RBMS1: variants seen among roughly 807,000 people sequenced by gnomAD.
RBMS1 encodes the protein RNA-binding motif, single-stranded-interacting protein 1.
In RBMS1, 17 loss-of-function variants were observed where a neutral mutation model predicts 62.3. The ratio of observed to expected loss-of-function variants is 0.27; its 90% CI spans 0.19 to 0.41. The LOEUF is 0.41. Among genes scored for constraint, RBMS1 ranks in the 10% least tolerant of loss-of-function variants. The pLI, the probability that RBMS1 is intolerant of heterozygous loss-of-function variation, is 1.00. For missense variants in RBMS1, 334 were observed against 504.5 expected (o/e 0.66, Z 3.24); for synonymous variants, 172 against 170.0 (o/e 1.01, Z -0.09).
chr2:160,300,624 T>A lies in RBMS1; in HGVS notation c.640+27A>T, dbSNP rs375626110. 5 of 1,578,764 alleles carry A rather than the reference T, an allele frequency of 3.2e-6. No individual in the cohort carries two copies. In the African/African-American group the frequency reaches 6.8e-5, roughly 22 times the overall value. ...AAACATACATCATATAGAAGACTAC[T>A]GATGAAGTTTCAGACAAACAACATA... On this transcript the variant is annotated intron_variant, in intron 6 of 13. Coordinates refer to ENST00000348849, the MANE Select transcript of RBMS1 (RefSeq NM_016836.4).
chr2:160,426,096 T>C (rs770964037), intron 1 of RBMS1, among the ~76,000 whole-genome samples: 3 of 151,986 alleles, frequency 2.0e-5, no homozygotes, highest in Non-Finnish European at 4.4e-5. Flanking sequence ...AAAACACTTA[T>C]ATTAAGAAAA....
At chr2:160,410,655 C>G (rs1695988330) in intron 1 of RBMS1, among the ~76,000 whole-genome samples, 1 of 152,202 alleles carries the variant, frequency 6.6e-6, no homozygotes, top group Non-Finnish European at 1.5e-5. Flanking sequence ...CAAATATGTT[C>G]TAACACATAG....
chr2:160,298,878 T>C (rs1022583507), intron 6 of RBMS1, among the ~76,000 whole-genome samples: 1 of 152,080 alleles, frequency 6.6e-6, no homozygotes, highest in Non-Finnish European at 1.5e-5. Flanking sequence ...CAGAGACAGA[T>C]ACACAAAGAG....
chr2:160,317,875 C>G (rs1210165143), intron 3 of RBMS1, among the ~76,000 whole-genome samples: 1 of 152,184 alleles, frequency 6.6e-6, no homozygotes, highest in Non-Finnish European at 1.5e-5. Flanking sequence ...TTTTCTAACT[C>G]TACTCCCCTT....
chr2:160,452,277 A>C (rs1490156697), intron 1 of RBMS1, among the ~76,000 whole-genome samples: 6 of 152,186 alleles, frequency 3.9e-5, no homozygotes, highest in African/African-American at 1.4e-4. Context: ...TAAAGGTCCC[A>C]GGGCTATCAT....
intron 6 of RBMS1, among the ~76,000 whole-genome samples, chr2:160,292,595 T>C (rs1360326345): frequency 1.3e-5 from 2 of 152,236 alleles, no homozygotes; most frequent in Non-Finnish European, 2.9e-5. Context: ...ATAAAGTTAC[T>C]GGTCAATGTC....
At chr2:160,452,726 G>C (rs187358290) in intron 1 of RBMS1, among the ~76,000 whole-genome samples, 10 of 152,260 alleles carry the variant, frequency 6.6e-5, no homozygotes, top group African/African-American at 2.2e-4. Context: ...TAATCACAAA[G>C]CTAAGCACTG....
chr2:160,404,226 G>T (rs1574011207), intron 1 of RBMS1, among the ~76,000 whole-genome samples: 1 of 152,152 alleles, frequency 6.6e-6, no homozygotes, highest in Non-Finnish European at 1.5e-5. Flanking sequence ...CTGAGCAGGT[G>T]TATTTCTAAT....
Position 160,458,017 on chromosome 2 carries a change from C to T in RBMS1, c.75+35272G>A, listed in dbSNP as rs149480892. Among the ~76,000 whole-genome samples, 976 of 151,924 alleles carry T rather than the reference C, an allele frequency of 6.4e-3. 6 individuals carry two copies. The highest frequency in any genetic ancestry group is 0.01 in the Non-Finnish European group (710 of 67,956). ...CAGTGTCTCACTGTGTCACCCTGGC[C>T]GAGTGGTGTGATCATTGCTCACTGC... is the stretch of plus-strand genomic sequence containing the variant. On this transcript the variant is annotated intron_variant, in intron 1 of 13. Transcript: ENST00000348849.
At chr2:160,309,706 C>T (rs1198361050) in intron 4 of RBMS1, among the ~76,000 whole-genome samples, 2 of 152,154 alleles carry the variant, frequency 1.3e-5, no homozygotes, top group East Asian at 1.9e-4. Flanking sequence ...AAAACATCAG[C>T]ATGCTGCCTG....
chr2:160,409,258 T>C (rs1695922799), intron 1 of RBMS1, among the ~76,000 whole-genome samples: 1 of 150,170 alleles, frequency 6.7e-6, no homozygotes, highest in Non-Finnish European at 1.5e-5. Flanking sequence ...AAAACACACA[T>C]GTAATTCCTG....
rs78658719 is a variant in RBMS1 at position 160,383,034 on chromosome 2, A to G, written c.76-15643T>C. Among the ~76,000 whole-genome samples the G allele has an allele frequency of 4.2e-3, 636 of 152,318 alleles. 4 individuals carry two copies. The highest frequency in any genetic ancestry group is 0.014 in the African/African-American group (595 of 41,580). On this transcript the variant is annotated intron_variant, in intron 1 of 13. Coordinates refer to ENST00000348849, the MANE Select transcript of RBMS1 (RefSeq NM_016836.4). Reference sequence around the variant, plus strand: ...GAACCTATTCCAAAATTTAAGATGAAATATCAATGGAGAGAGTGGAAAGTG... The same window carrying G: ...GAACCTATTCCAAAATTTAAGATGAGATATCAATGGAGAGAGTGGAAAGTG...
At chr2:160,403,573 C>T (rs1695543189) in intron 1 of RBMS1, among the ~76,000 whole-genome samples, 1 of 152,212 alleles carries the variant, frequency 6.6e-6, no homozygotes, top group South Asian at 2.1e-4. Flanking sequence ...TGTAAATCTA[C>T]TTAAACTGGG....
chr2:160,426,207 A>G (rs1682561060), intron 1 of RBMS1, among the ~76,000 whole-genome samples: 1 of 150,544 alleles, frequency 6.6e-6, no homozygotes, highest in Non-Finnish European at 1.5e-5. Context: ...AGGAAGAAAG[A>G]GAGAGAGACA....
At chr2:160,285,102 C>T in intron 7 of RBMS1, 58 bp from the exon 8 acceptor site, 2 of 1,534,124 alleles carry the variant, frequency 1.3e-6, no homozygotes, top group Non-Finnish European at 1.8e-6. Context: ...TTTAAAAATT[C>T]TATTTTTAGC....
At chr2:160,311,254 A>ATATC (rs1410482995) in intron 4 of RBMS1, among the ~76,000 whole-genome samples, 25 of 133,474 alleles carry the variant, frequency 1.9e-4, no homozygotes, top group African/African-American at 6.7e-4. Context: ...ATATATATAT[A>ATATC]TATAGTCTGT....
At chr2:160,451,364 A>G (rs954231790) in intron 1 of RBMS1, among the ~76,000 whole-genome samples, 3 of 152,112 alleles carry the variant, frequency 2.0e-5, no homozygotes, top group African/African-American at 7.2e-5. Context: ...CAGTGCCTTC[A>G]TAGTTTTTAT....
intron 1 of RBMS1, among the ~76,000 whole-genome samples, chr2:160,460,326 G>A (rs1684406975): frequency 6.6e-6 from 1 of 152,136 alleles, no homozygotes; most frequent in Non-Finnish European, 1.5e-5. Context: ...ATGAGGTAAG[G>A]GAATCAACAC....
intron 1 of RBMS1, among the ~76,000 whole-genome samples, chr2:160,438,314 T>A (rs1683205739): frequency 6.6e-6 from 1 of 151,094 alleles, no homozygotes; most frequent in Non-Finnish European, 1.5e-5. Flanking sequence ...CAGAGGGGGA[T>A]TTGGCAGGGT....
Sources: allele counts gnomAD v4.1 joint callset (sites outside exome capture counted in the v4.1 genomes callset), GRCh38; gene constraint gnomAD v4.1.1; transcripts MANE v1.5; gene names NCBI Gene and HGNC (gene_info 2026-07-23, HGNC 2026-07-21).